Variants in MRTFB observed in about 807,000 individuals in gnomAD.
The protein encoded by MRTFB is myocardin-related transcription factor B.
In MRTFB, 29 loss-of-function variants were observed where a neutral mutation model predicts 104.2. The ratio of observed to expected loss-of-function variants is 0.28; its 90% CI spans 0.21 to 0.38. The LOEUF (loss-of-function observed/expected upper bound fraction) is 0.38, where lower values mean the gene tolerates loss of function less well. MRTFB is among the 10% of genes least tolerant of loss of function. MRTFB has a pLI of 1.00. For synonymous variants in MRTFB, 535 were observed against 519.5 expected, an observed-to-expected ratio of 1.03 and a Z score of -0.41; for missense variants, 1,270 against 1,341.6, an observed-to-expected ratio of 0.95 and a Z score of 0.83.
At chr16:14,021,608 T>C in the MRTFB span, among the ~76,000 whole-genome samples, 3 of 152,122 alleles carry the variant, frequency 2.0e-5, no homozygotes, top group Non-Finnish European at 4.4e-5. Context: ...CCAAAGTCCA[T>C]TGTATCATTC....
chr16:14,215,606 C>G (rs1400909203), intron 6 of MRTFB, among the ~76,000 whole-genome samples: 2 of 152,224 alleles, frequency 1.3e-5, no homozygotes, highest in Admixed American at 1.3e-4. Flanking sequence ...CTACCTAGAT[C>G]TTAACCAGAG....
chr16:14,073,333 C>G (rs1039419984), intron 1 of MRTFB, among the ~76,000 whole-genome samples: 3 of 152,182 alleles, frequency 2.0e-5, no homozygotes, highest in Non-Finnish European at 4.4e-5. Context: ...GCGGTGTCCC[C>G]CAGTCTCTTT....
chr16:14,041,456 C>T, the MRTFB span, among the ~76,000 whole-genome samples: 1 of 152,144 alleles, frequency 6.6e-6, no homozygotes, highest in Non-Finnish European at 1.5e-5. Context: ...TTATGTCTGG[C>T]TCATTTCACT....
rs2041281084 is a variant in MRTFB, at chr16:14,213,419, T to C, written c.277-126T>C. On this transcript the variant is annotated intron_variant, in intron 5 of 16. Transcript: ENST00000571589. ...GATACTAGTTTTTCTAAGTGCTAAT[T>C]TCTACTCTTCGTCTCAAACACATGA... The C allele has an allele frequency of 5.1e-6, 3 of 590,210 alleles. No homozygotes were observed. In the African/African-American group the frequency reaches 5.7e-5, roughly 11 times the overall value. The allele number at this position is 590,210 out of a possible 1,614,324, so 36.6% of individuals were successfully genotyped here. A position where few individuals can be genotyped will look rare whatever the true frequency, so the allele number is the denominator to read the frequency against.
intron 2 of MRTFB, among the ~76,000 whole-genome samples, chr16:14,128,260 G>A (rs2037258119): frequency 6.6e-6 from 1 of 152,250 alleles, no homozygotes; most frequent in East Asian, 1.9e-4. Flanking sequence ...CAAAAATGGT[G>A]TTAGCGTGAT....
At chr16:14,254,121 CTG>C (rs2043376416) in intron 15 of MRTFB, among the ~76,000 whole-genome samples, 1 of 152,156 alleles carries the variant, frequency 6.6e-6, no homozygotes, top group South Asian at 2.1e-4. Flanking sequence ...TGTTTATAGA[CTG>C]AGGTTCTACA....
the MRTFB span, among the ~76,000 whole-genome samples, chr16:14,034,735 C>T: frequency 6.6e-6 from 1 of 152,128 alleles, no homozygotes; most frequent in Non-Finnish European, 1.5e-5. Context: ...GGATTACGGC[C>T]CATTCTTGAC....
At chr16:14,015,813 G>T in the MRTFB span, 2 of 397,924 alleles carry the variant, frequency 5.0e-6, no homozygotes, top group African/African-American at 4.1e-5. Context: ...CTTGAAGAAG[G>T]CTGTTGCCAC....
the MRTFB span, among the ~76,000 whole-genome samples, chr16:14,046,238 A>G: frequency 1.3e-5 from 2 of 152,100 alleles, no homozygotes; most frequent in African/African-American, 4.8e-5. Flanking sequence ...AGATGGGAGG[A>G]ACGCTTGAGC....
At chr16:14,183,025 C>T (rs1311769584) in intron 3 of MRTFB, among the ~76,000 whole-genome samples, 1 of 152,010 alleles carries the variant, frequency 6.6e-6, no homozygotes, top group Non-Finnish European at 1.5e-5. Flanking sequence ...GCCAAACACA[C>T]CAATGGATTG....
At chr16:14,252,251 C>G (rs190684780) in intron 14 of MRTFB, 114 bp from the exon 15 acceptor site, 2 of 1,472,748 alleles carry the variant, frequency 1.4e-6, no homozygotes, top group South Asian at 1.4e-5. Flanking sequence ...AAAGAACCTG[C>G]TCATGAATTC....
the MRTFB span, among the ~76,000 whole-genome samples, chr16:14,064,528 A>T: frequency 4.6e-4 from 70 of 152,284 alleles, no homozygotes; most frequent in Non-Finnish European, 8.8e-4. Context: ...TCATCATAAA[A>T]TCTTTGCCAG....
chr16:14,168,110 G>T (rs968999217), intron 3 of MRTFB, among the ~76,000 whole-genome samples: 1 of 152,062 alleles, frequency 6.6e-6, no homozygotes, highest in African/African-American at 2.4e-5. Context: ...CTCATTGTTT[G>T]CTTTTTATCA....
Position 14,232,109 on chromosome 16 carries a change from T to TA in MRTFB, c.694-2036dup, listed in dbSNP as rs528961025. Among the ~76,000 whole-genome samples, 288 of 152,342 alleles carry TA rather than the reference T, an allele frequency of 1.9e-3. 2 individuals are homozygous for TA. The highest frequency in any genetic ancestry group is 6.6e-3 in the African/African-American group (274 of 41,584). ...GGTTATTTTTCATGTGATTAACACT[T>TA]ACTGCTCTCAGATTCATCACACTAT... On this transcript the variant is annotated intron_variant, in intron 8 of 16. Coordinates refer to ENST00000571589, the MANE Select transcript of MRTFB (RefSeq NM_001308142.2).
At chr16:14,091,887 C>T (rs1023877675) in intron 2 of MRTFB, among the ~76,000 whole-genome samples, 1 of 150,314 alleles carries the variant, frequency 6.7e-6, no homozygotes, top group South Asian at 2.1e-4. Context: ...CCCAGCTACT[C>T]AGGGGGCTGA....
chr16:14,064,875 T>C, the MRTFB span, among the ~76,000 whole-genome samples: 2 of 152,352 alleles, frequency 1.3e-5, no homozygotes, highest in East Asian at 3.9e-4. Context: ...TGTAGTATGG[T>C]TTGAAGTCAG....
At chr16:14,005,947 C>A in the MRTFB span, among the ~76,000 whole-genome samples, 1 of 152,220 alleles carries the variant, frequency 6.6e-6, no homozygotes, top group Admixed American at 6.5e-5. Flanking sequence ...GTGGCTCATG[C>A]CTGTAATCCC....
At chr16:13,998,581 G>A in the MRTFB span, among the ~76,000 whole-genome samples, 1 of 151,886 alleles carries the variant, frequency 6.6e-6, no homozygotes, top group Admixed American at 6.6e-5. Flanking sequence ...AGGAGTTTGA[G>A]GCTGCAGTGA....
intron 3 of MRTFB, among the ~76,000 whole-genome samples, chr16:14,164,815 G>T (rs1042897444): frequency 6.6e-6 from 1 of 152,064 alleles, no homozygotes; most frequent in Non-Finnish European, 1.5e-5. Flanking sequence ...ACTGGGATTT[G>T]TCTGAACCCA....
Sources: allele counts gnomAD v4.1 joint callset (sites outside exome capture counted in the v4.1 genomes callset), GRCh38; gene constraint gnomAD v4.1.1; transcripts MANE v1.5; gene names NCBI Gene and HGNC (gene_info 2026-07-23, HGNC 2026-07-21).